MAP3K2: variants seen among roughly 807,000 people sequenced by gnomAD.
The protein encoded by MAP3K2 is MAP/ERK kinase kinase 2.
A neutral mutation model predicts 80.3 loss-of-function variants in MAP3K2; 24 were observed. The ratio of observed to expected loss-of-function variants is 0.30; its 90% confidence interval spans 0.22 to 0.42. The LOEUF (loss-of-function observed/expected upper bound fraction) is 0.42, where lower values mean the gene tolerates loss of function less well. MAP3K2 is among the 10% of genes least tolerant of loss of function. MAP3K2 has a pLI of 1.00. For synonymous variants in MAP3K2, 244 were observed against 253.7 expected, an observed-to-expected ratio of 0.96 and a Z score of 0.36; for missense variants, 608 against 750.1, an observed-to-expected ratio of 0.81 and a Z score of 2.21.
rs1448913078 is a variant in MAP3K2 at position 127,299,696 on chromosome 2, G to C, written c.*7883C>G. 6.6e-6 allele frequency: 1 copy of C among 152,014 alleles called. No individual in the cohort carries two copies. The highest frequency in any genetic ancestry group is 1.5e-5 in the Non-Finnish European group (1 of 67,978). 9.4% of individuals were successfully genotyped at this position (152,014 alleles called of 1,614,324 possible). A position where few individuals can be genotyped will look rare whatever the true frequency, so the allele number is the denominator to read the frequency against. ...TTTCTTGCAAGAGTATTTTAATTGA[G>C]CTCTAAGTATGACTTGCATTCAATT... On this transcript the variant is annotated 3_prime_UTR_variant, in exon 17 of 17. Coordinates refer to ENST00000682094, the MANE Select transcript of MAP3K2 (RefSeq NM_001371910.2).
chr2:127,342,029 GACTA>G (rs1296857247), intron 2 of MAP3K2, among the ~76,000 whole-genome samples: 12 of 61,382 alleles, frequency 2.0e-4, no homozygotes, highest in Non-Finnish European at 2.4e-4. Flanking sequence ...GGTGTTCTGT[GACTA>G]ACTTTGTATG....
chr2:127,373,088 A>G (rs1290493919), intron 1 of MAP3K2, among the ~76,000 whole-genome samples: 2 of 152,234 alleles, frequency 1.3e-5, no homozygotes, highest in Non-Finnish European at 1.5e-5. Context: ...CAATAATGAA[A>G]GGCCAGCTCC....
In MAP3K2 at chr2:127,303,246, TTCAATTTC is replaced by T. The variant is rs2104797123; in HGVS notation, c.*4325_*4332del. The T allele has an allele frequency of 6.6e-6, 1 of 151,536 alleles. No individual in the cohort carries two copies. The highest frequency in any genetic ancestry group is 6.6e-5 in the Admixed American group (1 of 15,204). 9.4% of individuals were successfully genotyped at this position (151,536 alleles called of 1,614,324 possible). ...AGTATAAATAACACTGTTGACAGAG[TTCAATTTC>T]TATCAAATGTTTTGGGTATTTTCAC... On this transcript the variant is annotated 3_prime_UTR_variant, in exon 17 of 17. Coordinates refer to ENST00000682094, the MANE Select transcript of MAP3K2 (RefSeq NM_001371910.2).
At chr2:127,385,342 A>G (rs554288511) in intron 1 of MAP3K2, among the ~76,000 whole-genome samples, 59 of 152,350 alleles carry the variant, frequency 3.9e-4, no homozygotes, top group Non-Finnish European at 6.5e-4. Context: ...AAAGATTACA[A>G]TTCCCTAAAG....
At chr2:127,337,278 T>G (rs566855657) in intron 4 of MAP3K2, among the ~76,000 whole-genome samples, 15 of 152,284 alleles carry the variant, frequency 9.9e-5, no homozygotes, top group Middle Eastern at 3.4e-3. Flanking sequence ...GCTAAATAAT[T>G]TGCAGCCACT....
chr2:127,308,330 A>T (rs1573975403), intron 16 of MAP3K2, among the ~76,000 whole-genome samples: 1 of 152,246 alleles, frequency 6.6e-6, no homozygotes, highest in East Asian at 1.9e-4. Flanking sequence ...CTGTAATAGC[A>T]AAAAGCTTTT....
At chr2:127,351,878 T>G (rs2104860392) in intron 1 of MAP3K2, among the ~76,000 whole-genome samples, 1 of 148,752 alleles carries the variant, frequency 6.7e-6, no homozygotes, top group South Asian at 2.2e-4. Context: ...TTTTTTTGTG[T>G]TTTTTTTTTC....
At chr2:127,335,588 G>A (rs774327969) in intron 5 of MAP3K2, among the ~76,000 whole-genome samples, 7 of 152,118 alleles carry the variant, frequency 4.6e-5, no homozygotes, top group Non-Finnish European at 8.8e-5. Context: ...AAAGTACACA[G>A]AATAAAAACA....
Position 127,356,840 on chromosome 2 carries a change from C to T in MAP3K2, c.-65-13646G>A, listed in dbSNP as rs187970873. Among the ~76,000 whole-genome samples, 15 of 152,252 alleles carry T rather than the reference C, an allele frequency of 9.9e-5. No individual in the cohort carries two copies. In the East Asian group the frequency reaches 2.9e-3, roughly 29 times the overall value. ...TAGGCAAAGAATTTGTGACTAAAAC[C>T]TCAAAAGCACAGGCAACAAAAACAA... On this transcript the variant is annotated intron_variant, in intron 1 of 16. Coordinates refer to ENST00000682094, the MANE Select transcript of MAP3K2 (RefSeq NM_001371910.2).
chr2:127,311,474 G>A (rs927196323), intron 15 of MAP3K2, among the ~76,000 whole-genome samples: 2 of 152,172 alleles, frequency 1.3e-5, no homozygotes, highest in Non-Finnish European at 2.9e-5. Flanking sequence ...AAAACGGGTA[G>A]CCAGGCTCCA....
At chr2:127,338,866 G>T in intron 3 of MAP3K2, 66 bp downstream of exon 3, 1 of 1,059,042 alleles carries the variant, frequency 9.4e-7, no homozygotes, top group Non-Finnish European at 1.4e-6. Context: ...CATTAAACAA[G>T]TCCTCCATAA....
rs1685671485 is a variant in MAP3K2, at chr2:127,305,131, TA to T, written c.*2447del. ...TCTACAGTCTCACCAGATTTCTCTC[TA>T]AAGAGCATTTGTCTCATATTGTGCA... On this transcript the variant is annotated 3_prime_UTR_variant, in exon 17 of 17. Coordinates refer to ENST00000682094, the MANE Select transcript of MAP3K2 (RefSeq NM_001371910.2). The T allele has an allele frequency of 6.6e-6, 1 of 152,410 alleles. No homozygotes were observed. The highest frequency in any genetic ancestry group is 6.6e-5 in the Admixed American group (1 of 15,240). The allele number at this position is 152,410 out of a possible 1,614,324, so 9.4% of individuals were successfully genotyped here. A position where few individuals can be genotyped will look rare whatever the true frequency, so the allele number is the denominator to read the frequency against.
Position 127,306,303 on chromosome 2 carries a change from T to C in MAP3K2, c.*1276A>G, listed in dbSNP as rs1351181894. 3 of 152,324 alleles carry C rather than the reference T, an allele frequency of 2.0e-5. No individual in the cohort carries two copies. The highest frequency in any genetic ancestry group is 3.4e-3 in the Middle Eastern group (1 of 294). 9.4% of individuals were successfully genotyped at this position (152,324 alleles called of 1,614,324 possible). A position where few individuals can be genotyped will look rare whatever the true frequency, so the allele number is the denominator to read the frequency against. On this transcript the variant is annotated 3_prime_UTR_variant, in exon 17 of 17. Coordinates refer to ENST00000682094, the MANE Select transcript of MAP3K2 (RefSeq NM_001371910.2). This position sits in a 1 kb window ranked among gnomAD's most constrained non-coding sequence, Gnocchi z 4.7. Reference sequence around the variant, plus strand: ...CTGACATTTTGGGAGGGGTAATTCTTTGAGGCTGCTTTCCTTGTGTATTAT... The same window carrying C: ...CTGACATTTTGGGAGGGGTAATTCTCTGAGGCTGCTTTCCTTGTGTATTAT...
At chr2:127,377,010 G>C (rs138835033) in intron 1 of MAP3K2, among the ~76,000 whole-genome samples, 45 of 151,846 alleles carry the variant, frequency 3.0e-4, no homozygotes, top group Non-Finnish European at 4.7e-4. Flanking sequence ...GCAGTGAGCA[G>C]TGATCCTGAC....
intron 1 of MAP3K2, among the ~76,000 whole-genome samples, chr2:127,369,733 T>G (rs1687031165): frequency 6.6e-6 from 1 of 152,196 alleles, no homozygotes; most frequent in Non-Finnish European, 1.5e-5. Flanking sequence ...CCTGTTTATA[T>G]CCCAAGTACA....
intron 1 of MAP3K2, among the ~76,000 whole-genome samples, chr2:127,386,988 G>T (rs1157936379): frequency 6.6e-6 from 1 of 152,130 alleles, no homozygotes; most frequent in Non-Finnish European, 1.5e-5. Flanking sequence ...GGAAGATGAA[G>T]AGAGATAATG....
At chr2:127,318,347 T>C (rs1685948859) in intron 12 of MAP3K2, 30 bp from the exon 13 acceptor site, 1 of 1,537,014 alleles carries the variant, frequency 6.5e-7, no homozygotes, top group African/African-American at 1.4e-5. Flanking sequence ...TAAAGTGAAA[T>C]ATCAAACAGC....
intron 1 of MAP3K2, among the ~76,000 whole-genome samples, chr2:127,372,905 T>G (rs890119587): frequency 7.9e-5 from 12 of 152,202 alleles, no homozygotes; most frequent in African/African-American, 2.9e-4. Flanking sequence ...TTTGCACGAC[T>G]TATGTGCTAT....
chr2:127,370,525 A>C (rs1429681805), intron 1 of MAP3K2, among the ~76,000 whole-genome samples: 1 of 152,234 alleles, frequency 6.6e-6, no homozygotes, highest in Non-Finnish European at 1.5e-5. Context: ...AAGGGACAAC[A>C]GTTATCAGCT....
Sources: allele counts gnomAD v4.1 joint callset (sites outside exome capture counted in the v4.1 genomes callset), GRCh38; gene constraint gnomAD v4.1.1; non-coding constraint Gnocchi (gnomAD v3.1); transcripts MANE v1.5; gene names NCBI Gene and HGNC (gene_info 2026-07-23, HGNC 2026-07-21).